Variants in SAMD12 observed in about 807,000 individuals in gnomAD.
SAMD12 encodes sterile alpha motif domain containing 12, also known as sterile alpha motif domain-containing protein 12.
A neutral mutation model predicts 15.0 loss-of-function variants in SAMD12; 9 were observed. The ratio of observed to expected loss-of-function variants is 0.60; its 90% CI spans 0.36 to 1.05. The LOEUF (loss-of-function observed/expected upper bound fraction) is 1.05. Ranked by LOEUF, SAMD12 falls within the 50% of genes least tolerant of loss-of-function variation. The pLI is 0.01. For missense variants in SAMD12, 230 were observed against 234.2 expected (o/e 0.98, Z 0.12); for synonymous variants, 86 against 90.1 (o/e 0.96, Z 0.25).
At chr8:118,329,040 T>A (rs1032588781) in intron 4 of SAMD12, among the ~76,000 whole-genome samples, 1 of 152,090 alleles carries the variant, frequency 6.6e-6, no homozygotes, top group Non-Finnish European at 1.5e-5. Context: ...AGCCTCGAAT[T>A]GAGGAAAAAC....
intron 4 of SAMD12, among the ~76,000 whole-genome samples, chr8:118,340,838 T>C (rs1817324449): frequency 6.6e-6 from 1 of 152,306 alleles, no homozygotes; most frequent in East Asian, 1.9e-4. Flanking sequence ...ATAAACATTA[T>C]GACCCAAATT....
intron 1 of SAMD12, among the ~76,000 whole-genome samples, chr8:118,598,263 G>A (rs1827771873): frequency 6.6e-6 from 1 of 152,154 alleles, no homozygotes; most frequent in Non-Finnish European, 1.5e-5. Context: ...AACCCCTAAT[G>A]TCACCATATT....
At chr8:118,579,145 A>G (rs890768208) in intron 2 of SAMD12, among the ~76,000 whole-genome samples, 72 of 152,302 alleles carry the variant, frequency 4.7e-4, no homozygotes, top group African/African-American at 1.7e-3. Flanking sequence ...TATAGGAGAT[A>G]CACACTAGAA....
At chr8:118,562,155 A>G (rs1187910786) in intron 2 of SAMD12, among the ~76,000 whole-genome samples, 4 of 152,184 alleles carry the variant, frequency 2.6e-5, no homozygotes, top group Non-Finnish European at 5.9e-5. Flanking sequence ...AAGGCTTATG[A>G]GTTCCTGAAG....
intron 4 of SAMD12, among the ~76,000 whole-genome samples, chr8:118,266,731 C>T (rs944544876): frequency 6.6e-6 from 1 of 151,814 alleles, no homozygotes; most frequent in Admixed American, 6.6e-5. Flanking sequence ...AATAGGACAG[C>T]CACAGAAAGA....
In SAMD12 at chr8:118,557,482, G is replaced by A. The variant is rs141028760; in HGVS notation, c.192+23233C>T. On this transcript the variant is annotated intron_variant, in intron 2 of 3. Coordinates refer to ENST00000314727, the MANE Select transcript of SAMD12 (RefSeq NM_207506.3). ...ATTGGGGTTGGAGTAGATCTGAGAA[G>A]CTTTTATAAAGAAAAAGAGCATCTG... Among the ~76,000 whole-genome samples, 588 of 152,228 alleles carry A rather than the reference G, an allele frequency of 3.9e-3. 5 individuals are homozygous for A. The highest frequency in any genetic ancestry group is 0.014 in the African/African-American group (564 of 41,528).
the SAMD12 span, among the ~76,000 whole-genome samples, chr8:118,159,968 C>T: frequency 1.3e-5 from 2 of 152,134 alleles, no homozygotes; most frequent in Non-Finnish European, 2.9e-5. Context: ...GATCTGCCCG[C>T]CTCAGCCTCC....
At chr8:118,400,831 C>A (rs1457274511) in intron 3 of SAMD12, among the ~76,000 whole-genome samples, 4 of 152,060 alleles carry the variant, frequency 2.6e-5, no homozygotes, top group African/African-American at 9.7e-5. Flanking sequence ...CCAATGAATA[C>A]TGATCAGCCA....
At chr8:118,261,451 A>G (rs747956769) in intron 4 of SAMD12, among the ~76,000 whole-genome samples, 23 of 152,090 alleles carry the variant, frequency 1.5e-4, no homozygotes, top group Non-Finnish European at 2.8e-4. Flanking sequence ...ATTAAATTCA[A>G]CAAGACTCTC....
At chr8:118,430,282 T>C (rs1329451423) in intron 3 of SAMD12, among the ~76,000 whole-genome samples, 1 of 152,238 alleles carries the variant, frequency 6.6e-6, no homozygotes, top group Non-Finnish European at 1.5e-5. Context: ...GTTCACCTTA[T>C]ATATTTTGAC....
Position 118,580,871 on chromosome 8 carries a change from T to C in SAMD12, c.36A>G (p.Pro12=). The change falls in exon 2 of 4, where the codon CCA becomes CCG. Residue 12 remains proline, a synonymous_variant. Transcript: ENST00000314727. ...AVEALHCGLN[P]RGIDHPAHAE... The stretch of plus-strand genomic sequence containing the variant: ...CATGGGCAGGGTGATCAATACCCCG[T>C]GGATTCAAACCACAGTGGAGAGCTA... 6.2e-7 allele frequency: 1 copy of C among 1,612,496 alleles called. No individual in the cohort carries two copies. Among genetic ancestry groups the C allele is most frequent in the African/African-American group, 1.3e-5 (1 of 74,898 alleles).
chr8:118,580,657 T>C (rs752729425), intron 2 of SAMD12, 58 bp downstream of exon 2: 15 of 1,290,066 alleles, frequency 1.2e-5, no homozygotes, highest in Non-Finnish European at 1.4e-5. Flanking sequence ...GTAGCTGGAC[T>C]ACAACATATA....
At chr8:118,224,725 C>A (rs140878059) in intron 4 of SAMD12, among the ~76,000 whole-genome samples, 1 of 152,164 alleles carries the variant, frequency 6.6e-6, no homozygotes, top group Non-Finnish European at 1.5e-5. Flanking sequence ...GAATAAAGCA[C>A]CTGAACAATA....
chr8:118,515,712 TC>T (rs1395372040), intron 2 of SAMD12, among the ~76,000 whole-genome samples: 1 of 152,104 alleles, frequency 6.6e-6, no homozygotes, highest in Non-Finnish European at 1.5e-5. Flanking sequence ...TCCCAACCTT[TC>T]CCATCCTTCA....
At chr8:118,267,372 G>GAAAT (rs1440113829) in intron 4 of SAMD12, among the ~76,000 whole-genome samples, 1 of 152,056 alleles carries the variant, frequency 6.6e-6, no homozygotes, top group African/African-American at 2.4e-5. Context: ...TTATCCTAAA[G>GAAAT]AAATAAAACC....
intron 4 of SAMD12, among the ~76,000 whole-genome samples, chr8:118,283,380 A>G (rs1295904614): frequency 3.9e-5 from 6 of 152,200 alleles, no homozygotes; most frequent in Non-Finnish European, 2.9e-5. Flanking sequence ...CCAAGGCAAC[A>G]GATTCTTATT....
At chr8:118,550,934 G>A (rs1293255301) in intron 2 of SAMD12, among the ~76,000 whole-genome samples, 1 of 150,534 alleles carries the variant, frequency 6.6e-6, no homozygotes, top group African/African-American at 2.5e-5. Flanking sequence ...GACAAAGAAG[G>A]CCATTACATA....
chr8:118,295,800 AC>A (rs1814678001), intron 4 of SAMD12: 1 of 151,960 alleles, frequency 6.6e-6, no homozygotes, highest in African/African-American at 2.4e-5. Flanking sequence ...CAGGTGTGTT[AC>A]CCAATCATGT....
At chr8:118,355,676 C>A (rs1818195159) in intron 4 of SAMD12, among the ~76,000 whole-genome samples, 1 of 152,156 alleles carries the variant, frequency 6.6e-6, no homozygotes, top group African/African-American at 2.4e-5. Flanking sequence ...TCTTTATGTA[C>A]ACAGAAAGAA....
Sources: gnomAD v4.1 joint callset for allele counts (sites outside exome capture counted in the v4.1 genomes callset) on GRCh38, gnomAD v4.1.1 for gene constraint, MANE v1.5 for transcripts, NCBI Gene and HGNC (gene_info 2026-07-23, HGNC 2026-07-21) for gene names.